Variants in TEX19 observed in about 807,000 individuals in gnomAD.
The protein encoded by TEX19 is testis expressed 19.
For synonymous variants in TEX19, 77 were observed against 73.9 expected, an observed-to-expected ratio of 1.04 and a Z score of -0.21; for missense variants, 184 against 194.4, an observed-to-expected ratio of 0.95 and a Z score of 0.32.
intron 1 of TEX19, chr17:82,361,497 C>T (rs1252106777): frequency 2.0e-6 from 1 of 498,846 alleles, no homozygotes; most frequent in African/African-American, 2.4e-5. Flanking sequence ...CAGGTTCCCC[C>T]AGTTTCCCTC....
intron 1 of TEX19, among the ~76,000 whole-genome samples, chr17:82,360,005 C>T (rs111219174): frequency 1.5e-5 from 2 of 135,088 alleles, no homozygotes; most frequent in African/African-American, 2.9e-5. Context: ...TCAGGTTCCC[C>T]CAGTTTCCCT....
rs1210168993 is a variant in TEX19, at chr17:82,361,800, C to T, written c.-271-80C>T. The T allele has an allele frequency of 4.6e-6, 5 of 1,096,388 alleles. No homozygotes were observed. The African/African-American group carries it at 8.2e-5, about 18-fold the overall frequency. 67.9% of individuals were successfully genotyped at this position (1,096,388 alleles called of 1,614,324 possible). The stretch of plus-strand genomic sequence containing the variant: ...AAAGGGCCAGTCTGAACCCCAACAT[C>T]CCTGCCCCTGCTGGTCCCCACAGTT... On this transcript the variant is annotated intron_variant, in intron 1 of 1. Transcript: ENST00000333437.
Position 82,362,610 on chromosome 17 carries a change from A to G in TEX19, c.460A>G (p.Thr154Ala), listed in dbSNP as rs535694164. The G allele has an allele frequency of 1.0e-5, 16 of 1,572,812 alleles. No homozygotes were observed. The highest frequency in any genetic ancestry group is 5.9e-5 in the Admixed American group (3 of 50,586). Residue 154 changes from threonine to alanine, a missense_variant, in exon 2 of 2, where the codon ACC becomes GCC. By Grantham distance (58) the Thr-to-Ala change is moderately conservative. Transcript: ENST00000333437. This position sits in a 1 kb window ranked among gnomAD's most constrained non-coding sequence, Gnocchi z 5.5. The stretch of plus-strand genomic sequence containing the variant: ...TCCCTGGAGATTTGAGGAGCTTCTT[A>G]CCTGCTCACACTGGCCAAGCTTCTT... ...GLPWRFEELL[T>A]CSHWPSFFPS
At position 82,361,941 on chromosome 17, in the gene TEX19, C is replaced by A; in HGVS notation, c.-210C>A. 1 of 756,930 alleles carries A rather than the reference C, an allele frequency of 1.3e-6. No individual in the cohort carries two copies. Among genetic ancestry groups the A allele is most frequent in the Non-Finnish European group, 2.0e-6 (1 of 496,782 alleles). 46.9% of individuals were successfully genotyped at this position (756,930 alleles called of 1,614,324 possible). Reference sequence around the variant, plus strand: ...CATTTCCAGAAGTTCAAGCTTCCACCCTCTGCAGGTCCCCACTGAGCTGGG... The same window carrying A: ...CATTTCCAGAAGTTCAAGCTTCCACACTCTGCAGGTCCCCACTGAGCTGGG... On this transcript the variant is annotated 5_prime_UTR_variant, in exon 2 of 2. Transcript: ENST00000333437.
rs774613097 is a variant in TEX19 at position 82,362,453 on chromosome 17, G to T, written c.303G>T (p.Gly101=). The change falls in exon 2 of 2, where the codon GGG becomes GGT. Residue 101 remains glycine, a synonymous_variant. Transcript: ENST00000333437. This position sits in a 1 kb window ranked among gnomAD's most constrained non-coding sequence, Gnocchi z 5.5. ...VQGGSEAWGP[G]TLAAAPEGLE... ...GGGGCTCTGAGGCATGGGGGCCAGG[G>T]ACCCTGGCAGCAGCCCCAGAAGGGT... The T allele has an allele frequency of 9.9e-6, 16 of 1,612,626 alleles. No homozygotes were observed. The Admixed American group carries it at 2.7e-4, about 27-fold the overall frequency.
chr17:82,360,770 CCCTCA>C (rs2052381752), intron 1 of TEX19, among the ~76,000 whole-genome samples: 1 of 103,360 alleles, frequency 9.7e-6, no homozygotes, highest in Non-Finnish European at 2.0e-5. Flanking sequence ...CCCCCAGTTT[CCCTCA>C]AGTTTCCCTC....
rs774864700 is a variant in TEX19, at chr17:82,362,657, C to CA, written c.*15dup. On this transcript the variant is annotated 3_prime_UTR_variant, in exon 2 of 2. Coordinates refer to ENST00000333437, the MANE Select transcript of TEX19 (RefSeq NM_207459.4). The surrounding 1 kb of genome is among the most constrained non-coding windows in gnomAD (Gnocchi z 5.5). ...TCTTTCCTTCATAGCAGGGGTTTCTCAAAGTGGACCTGCCCCCAGGGGAGC... is the reference window on the plus strand; with the variant it reads ...TCTTTCCTTCATAGCAGGGGTTTCTCAAAAGTGGACCTGCCCCCAGGGGAGC... 1 of 1,527,422 alleles carries CA rather than the reference C, an allele frequency of 6.5e-7. No individual in the cohort carries two copies. Among genetic ancestry groups the CA allele is most frequent in the South Asian group, 1.3e-5 (1 of 75,820 alleles). The allele number at this position is 1,527,422 out of a possible 1,614,324, so 94.6% of individuals were successfully genotyped here.
intron 1 of TEX19, among the ~76,000 whole-genome samples, chr17:82,360,981 TCCC>T: frequency 4.9e-5 from 3 of 61,416 alleles, no homozygotes; most frequent in Admixed American, 1.7e-4. Flanking sequence ...TCCCTCAGGT[TCCC>T]TCAGTTTTCC....
chr17:82,362,461 C>A lies in TEX19; in HGVS notation c.311C>A (p.Ala104Glu), dbSNP rs1372613314. 1.2e-6 allele frequency: 2 copies of A among 1,612,522 alleles called. No homozygotes were observed. The highest frequency in any genetic ancestry group is 2.7e-5 in the African/African-American group (2 of 74,920). ...GSEAWGPGTL[A>E]AAPEGLEDAG... ...GAGGCATGGGGGCCAGGGACCCTGG[C>A]AGCAGCCCCAGAAGGGTTGGAAGAT... The change falls in exon 2 of 2, where the codon GCA (alanine) becomes GAA (glutamate). Residue 104 changes from alanine to glutamate, a missense_variant. Coordinates refer to ENST00000333437, the MANE Select transcript of TEX19 (RefSeq NM_207459.4). The surrounding 1 kb of genome is among the most constrained non-coding windows in gnomAD (Gnocchi z 5.5).
rs2052399054 is a variant in TEX19, at chr17:82,362,068, C to T, written c.-83C>T. On this transcript the variant is annotated 5_prime_UTR_variant, in exon 2 of 2. Coordinates refer to ENST00000333437, the MANE Select transcript of TEX19 (RefSeq NM_207459.4). This position sits in a 1 kb window ranked among gnomAD's most constrained non-coding sequence, Gnocchi z 5.5. ...CTGCCGCCCAGCATCCTACTGGCCTCAGCACCTGTGGCCAGACCGTCCAAG... is the reference window on the plus strand; with the variant it reads ...CTGCCGCCCAGCATCCTACTGGCCTTAGCACCTGTGGCCAGACCGTCCAAG... The T allele has an allele frequency of 2.6e-6, 4 of 1,517,426 alleles. No homozygotes were observed. In the Admixed American group the frequency reaches 8.0e-5, roughly 30 times the overall value. The allele number at this position is 1,517,426 out of a possible 1,614,324, so 94.0% of individuals were successfully genotyped here. A position where few individuals can be genotyped will look rare whatever the true frequency, so the allele number is the denominator to read the frequency against.
Position 82,362,268 on chromosome 17 carries a change from G to T in TEX19, c.118G>T (p.Ala40Ser), listed in dbSNP as rs768068418. 1.2e-6 allele frequency: 2 copies of T among 1,614,042 alleles called. No homozygotes were observed. The highest frequency in any genetic ancestry group is 1.3e-5 in the African/African-American group (1 of 75,062). The stretch of plus-strand genomic sequence containing the variant: ...AAGCATTTGCTTCACCTGCTTCAAG[G>T]CTGCCTTTCTAGACTTTAAAGACTT... The part of the protein sequence containing the change: ...QLSICFTCFK[A>S]AFLDFKDLLE... Residue 40 changes from alanine (A) to serine (S), a missense_variant, in exon 2 of 2, where the codon GCT becomes TCT. Physicochemically the swap from Ala to Ser is moderately conservative, Grantham distance 99. Transcript: ENST00000333437. The surrounding 1 kb of genome is among the most constrained non-coding windows in gnomAD (Gnocchi z 5.5).
chr17:82,359,974 T>C (rs1184807043), intron 1 of TEX19, among the ~76,000 whole-genome samples: 17 of 91,402 alleles, frequency 1.9e-4, no homozygotes, highest in East Asian at 1.2e-3. Flanking sequence ...TCAGGTTCCC[T>C]CAGTTTCCCT....
intron 1 of TEX19, among the ~76,000 whole-genome samples, chr17:82,361,235 C>T (rs868546833): frequency 9.6e-4 from 50 of 52,008 alleles, no homozygotes; most frequent in African/African-American, 1.2e-3. Context: ...CCAGTTTCCC[C>T]CAGTTTCCCT....
At chr17:82,361,035 TCAGTTTCCCC>T (rs1339994004) in intron 1 of TEX19, among the ~76,000 whole-genome samples, 9 of 135,210 alleles carry the variant, frequency 6.7e-5, no homozygotes, top group Non-Finnish European at 1.3e-4. Flanking sequence ...TCAGGTTCCC[TCAGTTTCCCC>T]CAGTTTCCCT....
rs2052411719 is a variant in TEX19 at position 82,363,417 on chromosome 17, A to C, written c.*772A>C. 6.0e-6 allele frequency: 1 copy of C among 167,006 alleles called. No homozygotes were observed. Among genetic ancestry groups the C allele is most frequent in the Admixed American group, 6.5e-5 (1 of 15,298 alleles). 10.3% of individuals were successfully genotyped at this position (167,006 alleles called of 1,614,324 possible). A position where few individuals can be genotyped will look rare whatever the true frequency, so the allele number is the denominator to read the frequency against. On this transcript the variant is annotated 3_prime_UTR_variant, in exon 2 of 2. Coordinates refer to ENST00000333437, the MANE Select transcript of TEX19 (RefSeq NM_207459.4). ...CATAACCTGGAAACAAGTTCTTACC[A>C]GTTGATTGTCACATAGTTCTGGATG...
Position 82,361,978 on chromosome 17 carries a change from C to A in TEX19, c.-173C>A. On this transcript the variant is annotated 5_prime_UTR_variant, in exon 2 of 2. Transcript: ENST00000333437. ...CCCACTGAGCTGGGACCCAGGTCAT[C>A]CACCCCACCCCAAATCCCTGGATAG... 2.2e-6 allele frequency: 2 copies of A among 910,356 alleles called. No individual in the cohort carries two copies. Among genetic ancestry groups the A allele is most frequent in the Non-Finnish European group, 3.2e-6 (2 of 620,068 alleles). 56.4% of individuals were successfully genotyped at this position (910,356 alleles called of 1,614,324 possible).
chr17:82,359,552 C>A (rs2052358666), intron 1 of TEX19, among the ~76,000 whole-genome samples: 2 of 125,350 alleles, frequency 1.6e-5, no homozygotes, highest in Non-Finnish European at 1.7e-5. Flanking sequence ...CCCTCAGTTT[C>A]CCTCAAGTTT....
Position 82,362,089 on chromosome 17 carries a change from C to T in TEX19, c.-62C>T, listed in dbSNP as rs779281397. On this transcript the variant is annotated 5_prime_UTR_variant, in exon 2 of 2. Coordinates refer to ENST00000333437, the MANE Select transcript of TEX19 (RefSeq NM_207459.4). The surrounding 1 kb of genome is among the most constrained non-coding windows in gnomAD (Gnocchi z 5.5). ...GCCTCAGCACCTGTGGCCAGACCGT[C>T]CAAGATCCTCTGAAGGCCCAGCTCT... 16 of 1,553,312 alleles carry T rather than the reference C, an allele frequency of 1.0e-5. No homozygotes were observed. The highest frequency in any genetic ancestry group is 1.4e-5 in the Non-Finnish European group (16 of 1,154,908).
intron 1 of TEX19, 159 bp from the exon 2 acceptor site, chr17:82,361,721 G>C: frequency 1.0e-6 from 1 of 985,362 alleles, no homozygotes; most frequent in Non-Finnish European, 1.2e-6. Flanking sequence ...GTCGGATGGA[G>C]GAACTGAAGG....
Sources: gnomAD v4.1 joint callset for allele counts (sites outside exome capture counted in the v4.1 genomes callset) on GRCh38, gnomAD v4.1.1 for gene constraint, Gnocchi (gnomAD v3.1) non-coding constraint, MANE v1.5 for transcripts, NCBI Gene and HGNC (gene_info 2026-07-23, HGNC 2026-07-21) for gene names.